The following RNF152 variants were observed in gnomAD, a reference collection of about 807,000 sequenced individuals.
RNF152 encodes ring finger protein 152, also known as E3 ubiquitin-protein ligase RNF152.
In RNF152, 11 loss-of-function variants were observed where a neutral mutation model predicts 12.7. That is an observed-to-expected ratio of 0.86 (90% CI 0.54 to 1.43). The LOEUF (loss-of-function observed/expected upper bound fraction) is 1.43. Among genes scored for constraint, RNF152 ranks in the 40% most tolerant of loss-of-function variants. The pLI is 0.00. For missense variants in RNF152, 255 were observed against 274.8 expected (o/e 0.93, Z 0.51); for synonymous variants, 113 against 120.3 (o/e 0.94, Z 0.40).
At chr18:61,882,650 T>C (rs76858232) in intron 1 of RNF152, among the ~76,000 whole-genome samples, 2,197 of 152,240 alleles carry the variant, frequency 0.014, 34 homozygotes, top group Non-Finnish European at 0.025. Flanking sequence ...GCCTTATCAG[T>C]CTCCATCAAT....
chr18:61,844,026 AAGAGAG>A (rs543901994), intron 1 of RNF152, among the ~76,000 whole-genome samples: 10 of 150,368 alleles, frequency 6.7e-5, no homozygotes, highest in Non-Finnish European at 1.3e-4. Flanking sequence ...AGAGAAAAGA[AAGAGAG>A]AGAGAAAGAA....
upstream of RNF152, among the ~76,000 whole-genome samples, chr18:61,893,980 C>T (rs1913097099): frequency 6.6e-6 from 1 of 152,026 alleles, no homozygotes. Flanking sequence ...GCCCCGCCAC[C>T]CCCTCCGCGG....
chr18:61,884,234 G>A (rs1210274837), intron 1 of RNF152, among the ~76,000 whole-genome samples: 2 of 108,602 alleles, frequency 1.8e-5, no homozygotes, highest in African/African-American at 7.3e-5. Flanking sequence ...TTTTGCAGCT[G>A]AAGAACAAAC....
intron 1 of RNF152, among the ~76,000 whole-genome samples, chr18:61,871,276 A>C (rs2144737371): frequency 6.8e-6 from 1 of 146,108 alleles, no homozygotes; most frequent in South Asian, 2.2e-4. Context: ...TTCTGGACTC[A>C]GACACATCAT....
intron 1 of RNF152, among the ~76,000 whole-genome samples, chr18:61,836,790 G>C (rs533555859): frequency 6.6e-6 from 1 of 152,180 alleles, no homozygotes; most frequent in Non-Finnish European, 1.5e-5. Flanking sequence ...AAAAGAAGGG[G>C]AAAGAAAGGC....
At chr18:61,890,127 T>C (rs748278785) in intron 1 of RNF152, among the ~76,000 whole-genome samples, 2 of 152,208 alleles carry the variant, frequency 1.3e-5, no homozygotes, top group African/African-American at 4.8e-5. Context: ...ATAGTAAATA[T>C]ACAGGTTGTA....
intron 1 of RNF152, among the ~76,000 whole-genome samples, chr18:61,849,356 C>T (rs1599293678): frequency 1.3e-5 from 2 of 152,094 alleles, no homozygotes; most frequent in Non-Finnish European, 2.9e-5. Flanking sequence ...TTCCCTGGAC[C>T]CATAATTACT....
intron 1 of RNF152, among the ~76,000 whole-genome samples, chr18:61,819,402 G>A (rs1049734801): frequency 2.0e-5 from 3 of 152,276 alleles, no homozygotes; most frequent in Non-Finnish European, 2.9e-5. Flanking sequence ...AAGAGTAGCA[G>A]AACAATTCAT....
chr18:61,815,562 C>G lies in RNF152; in HGVS notation c.*290G>C. The G allele has an allele frequency of 2.7e-6, 1 of 372,400 alleles. No individual in the cohort carries two copies. Among genetic ancestry groups the G allele is most frequent in the Non-Finnish European group, 4.9e-6 (1 of 202,536 alleles). The allele number at this position is 372,400 out of a possible 1,614,324, so 23.1% of individuals were successfully genotyped here. ...TAAGTAGAATATGTCTATCTTGTAA[C>G]ATGATTTTGAAAAATCATAAATTAC... On this transcript the variant is annotated 3_prime_UTR_variant, in exon 2 of 2. Transcript: ENST00000312828.
intron 1 of RNF152, among the ~76,000 whole-genome samples, chr18:61,830,615 T>G (rs962076119): frequency 1.3e-5 from 2 of 152,226 alleles, no homozygotes; most frequent in African/African-American, 4.8e-5. Context: ...TATTATTTTT[T>G]CTTTTTAAGC....
intron 1 of RNF152, among the ~76,000 whole-genome samples, chr18:61,840,814 T>C (rs1910418641): frequency 6.6e-6 from 1 of 152,258 alleles, no homozygotes; most frequent in African/African-American, 2.4e-5. Flanking sequence ...AGCATGTACC[T>C]TTCTAGGTTT....
chr18:61,872,510 G>C (rs934833177), intron 1 of RNF152, among the ~76,000 whole-genome samples: 1 of 152,170 alleles, frequency 6.6e-6, no homozygotes, highest in African/African-American at 2.4e-5. Context: ...ACTCCTTGCA[G>C]TCCAATTTTT....
In RNF152 at chr18:61,816,309, G is replaced by T; in HGVS notation, c.155C>A (p.Pro52His). Residue 52 changes from proline to histidine, a missense_variant, in exon 2 of 2, where the codon CCC becomes CAC. Pro to His is a moderately conservative substitution (Grantham distance 77, BLOSUM62 -2). Transcript: ENST00000312828. ...CAGCTTGGTGACACCGCGGCACCAGGGGCACCGCACATCCTTCTGGCTGGT... is the reference window on the plus strand; with the variant it reads ...CAGCTTGGTGACACCGCGGCACCAGTGGCACCGCACATCCTTCTGGCTGGT... ...MRTSQKDVRC[P>H]WCRGVTKLPP... 6.2e-7 allele frequency: 1 copy of T among 1,614,198 alleles called. No individual in the cohort carries two copies. The highest frequency in any genetic ancestry group is 8.5e-7 in the Non-Finnish European group (1 of 1,180,038).
intron 1 of RNF152, among the ~76,000 whole-genome samples, chr18:61,853,956 C>T (rs1911102512): frequency 6.6e-6 from 1 of 152,088 alleles, no homozygotes; most frequent in Non-Finnish European, 1.5e-5. Context: ...TGCCCACCTG[C>T]CCATTTTTCA....
intron 1 of RNF152, among the ~76,000 whole-genome samples, chr18:61,852,189 T>A (rs552016378): frequency 1.4e-4 from 22 of 152,256 alleles, no homozygotes; most frequent in African/African-American, 5.1e-4. Context: ...TTATTTCTCC[T>A]CCAAACTGGA....
chr18:61,853,215 T>G (rs977460133), intron 1 of RNF152, among the ~76,000 whole-genome samples: 4 of 152,062 alleles, frequency 2.6e-5, no homozygotes, highest in Non-Finnish European at 5.9e-5. Flanking sequence ...ATGTCTGAAT[T>G]GGTCTCCTCA....
rs1909036187 is a variant in RNF152, at chr18:61,815,810, C to A, written c.*42G>T. 6.3e-7 allele frequency: 1 copy of A among 1,593,090 alleles called. No homozygotes were observed. The highest frequency in any genetic ancestry group is 8.6e-7 in the Non-Finnish European group (1 of 1,166,902). On this transcript the variant is annotated 3_prime_UTR_variant, in exon 2 of 2. Transcript: ENST00000312828. Reference sequence around the variant, plus strand: ...GGGATCTCATCATCAACCTGCTCAACCCCTAAGTTGGCACCCACAAGAGAC... The same window carrying A: ...GGGATCTCATCATCAACCTGCTCAAACCCTAAGTTGGCACCCACAAGAGAC...
In RNF152 at chr18:61,815,757, G is replaced by A; in HGVS notation, c.*95C>T. ...CAGAGGCCAGCGCTCAGCACCAAAT[G>A]GTCAGTGTTGCCCCCCATCTTCTCA... On this transcript the variant is annotated 3_prime_UTR_variant, in exon 2 of 2. Transcript: ENST00000312828. The A allele has an allele frequency of 7.2e-6, 10 of 1,392,782 alleles. No homozygotes were observed. Among genetic ancestry groups the A allele is most frequent in the Non-Finnish European group, 1.0e-5 (10 of 1,003,442 alleles). The allele number at this position is 1,392,782 out of a possible 1,614,324, so 86.3% of individuals were successfully genotyped here.
intron 1 of RNF152, among the ~76,000 whole-genome samples, chr18:61,846,062 A>C (rs1910731817): frequency 6.6e-6 from 1 of 152,122 alleles, no homozygotes; most frequent in South Asian, 2.1e-4. Flanking sequence ...ATGGGCTCTC[A>C]CAAGACACCA....
Sources: allele counts gnomAD v4.1 joint callset (sites outside exome capture counted in the v4.1 genomes callset), GRCh38; gene constraint gnomAD v4.1.1; transcripts MANE v1.5; gene names NCBI Gene and HGNC (gene_info 2026-07-23, HGNC 2026-07-21).